The following SAMTOR variants were observed in gnomAD, a reference collection of about 807,000 sequenced individuals.
SAMTOR encodes S-adenosylmethionine sensor upstream of mTORC1.
chr7:112,901,622 C>G, the SAMTOR span, among the ~76,000 whole-genome samples: 1 of 152,186 alleles, frequency 6.6e-6, no homozygotes, highest in Non-Finnish European at 1.5e-5. Context: ...TTGTCTTCCA[C>G]AAAACCAGTC....
the SAMTOR span, among the ~76,000 whole-genome samples, chr7:112,851,053 C>A: frequency 6.6e-6 from 1 of 152,048 alleles, no homozygotes; most frequent in East Asian, 1.9e-4. Context: ...TACAAAACAC[C>A]GATGAAAGAA....
chr7:112,841,550 T>G, the SAMTOR span, among the ~76,000 whole-genome samples: 1 of 152,128 alleles, frequency 6.6e-6, no homozygotes, highest in Non-Finnish European at 1.5e-5. Context: ...ACTATTGACT[T>G]TCTTCACAGA....
At chr7:112,856,517 T>C in the SAMTOR span, among the ~76,000 whole-genome samples, 1 of 152,226 alleles carries the variant, frequency 6.6e-6, no homozygotes, top group African/African-American at 2.4e-5. Flanking sequence ...CCCAAAGTGC[T>C]GGGATTACTT....
the SAMTOR span, among the ~76,000 whole-genome samples, chr7:112,846,327 T>C: frequency 2.0e-5 from 3 of 147,808 alleles, no homozygotes; most frequent in East Asian, 4.1e-4. Flanking sequence ...GACGTATGGA[T>C]ATAAAGAGGG....
the SAMTOR span, among the ~76,000 whole-genome samples, chr7:112,874,117 C>T: frequency 6.6e-6 from 1 of 151,988 alleles, no homozygotes; most frequent in African/African-American, 2.4e-5. Context: ...ATTAGTTTAG[C>T]CCACATGAAA....
the SAMTOR span, among the ~76,000 whole-genome samples, chr7:112,840,413 C>G: frequency 6.6e-6 from 1 of 151,784 alleles, no homozygotes; most frequent in South Asian, 2.1e-4. Context: ...CATTTGGGAT[C>G]ACTTTTTTTC....
At chr7:112,855,348 T>A in the SAMTOR span, among the ~76,000 whole-genome samples, 1 of 152,188 alleles carries the variant, frequency 6.6e-6, no homozygotes. Flanking sequence ...AACTTAACTT[T>A]AAAACGACAC....
At chr7:112,899,954 G>A in the SAMTOR span, among the ~76,000 whole-genome samples, 1 of 152,018 alleles carries the variant, frequency 6.6e-6, no homozygotes, top group Non-Finnish European at 1.5e-5. Context: ...TGAAAGAAAA[G>A]GATGCTAACA....
At chr7:112,869,546 C>T in the SAMTOR span, among the ~76,000 whole-genome samples, 18 of 151,064 alleles carry the variant, frequency 1.2e-4, no homozygotes, top group South Asian at 4.2e-4. Context: ...GTCATATCAA[C>T]GAAATAAAGC....
At chr7:112,924,200 A>T in the SAMTOR span, among the ~76,000 whole-genome samples, 9 of 151,964 alleles carry the variant, frequency 5.9e-5, no homozygotes, top group South Asian at 8.3e-4. Flanking sequence ...TAATAATAAT[A>T]AAAAAAAGAA....
At chr7:112,882,905 T>G in the SAMTOR span, among the ~76,000 whole-genome samples, 1 of 151,990 alleles carries the variant, frequency 6.6e-6, no homozygotes, top group Non-Finnish European at 1.5e-5. Flanking sequence ...AGAAATGAAC[T>G]GCTAACTTAA....
At chr7:112,857,655 C>T in the SAMTOR span, among the ~76,000 whole-genome samples, 1 of 152,162 alleles carries the variant, frequency 6.6e-6, no homozygotes, top group Non-Finnish European at 1.5e-5. Context: ...GTCTTTGCAT[C>T]ACAGAAGAAG....
At chr7:112,869,385 G>A in the SAMTOR span, among the ~76,000 whole-genome samples, 1 of 151,790 alleles carries the variant, frequency 6.6e-6, no homozygotes, top group Non-Finnish European at 1.5e-5. Context: ...TCTACTGGAC[G>A]GCAGCCTGAA....
At chr7:112,916,687 A>G in the SAMTOR span, among the ~76,000 whole-genome samples, 1 of 152,104 alleles carries the variant, frequency 6.6e-6, no homozygotes, top group Non-Finnish European at 1.5e-5. Flanking sequence ...TCCCTTTCCT[A>G]GTCAAAGAAA....
chr7:112,912,541 AAG>A, the SAMTOR span, among the ~76,000 whole-genome samples: 1 of 152,118 alleles, frequency 6.6e-6, no homozygotes, highest in Non-Finnish European at 1.5e-5. Flanking sequence ...AATTATCAAA[AAG>A]AGAAAAAAAC....
At chr7:112,924,998 T>G in the SAMTOR span, among the ~76,000 whole-genome samples, 2 of 152,204 alleles carry the variant, frequency 1.3e-5, no homozygotes, top group Non-Finnish European at 2.9e-5. Context: ...CAAATGCTCC[T>G]GTGAGAATAC....
At chr7:112,840,926 CAT>C in the SAMTOR span, among the ~76,000 whole-genome samples, 14,439 of 151,952 alleles carry the variant, frequency 0.095, 927 homozygotes, top group South Asian at 0.2. Context: ...ATTGGTGGAA[CAT>C]ATCTCAAAAT....
At chr7:112,919,829 A>G in the SAMTOR span, among the ~76,000 whole-genome samples, 2 of 152,122 alleles carry the variant, frequency 1.3e-5, no homozygotes, top group Non-Finnish European at 2.9e-5. Flanking sequence ...ACCTCTACGC[A>G]AATAAACTAG....
the SAMTOR span, among the ~76,000 whole-genome samples, chr7:112,914,415 G>A: frequency 2.0e-5 from 3 of 151,604 alleles, no homozygotes; most frequent in Non-Finnish European, 4.4e-5. Flanking sequence ...GTTTTTCAGG[G>A]AATTCATGTT....
Sources: gnomAD v4.1 joint callset for allele counts (sites outside exome capture counted in the v4.1 genomes callset) on GRCh38, gnomAD v4.1.1 for gene constraint, MANE v1.5 for transcripts, NCBI Gene and HGNC (gene_info 2026-07-23, HGNC 2026-07-21) for gene names.